PKHD1L1: variants seen among roughly 807,000 people sequenced by gnomAD.
PKHD1L1 encodes the protein PKHD1 like 1.
PKHD1L1 carries 434 observed loss-of-function variants against 462.9 expected under a neutral mutation model. The ratio of observed to expected loss-of-function variants is 0.94; its 90% CI spans 0.87 to 1.02. PKHD1L1 has a LOEUF of 1.02. Among genes scored for constraint, PKHD1L1 ranks in the 50% least tolerant of loss-of-function variants. PKHD1L1 has a pLI of 0.00. For synonymous variants in PKHD1L1, 1,781 were observed against 1,750.0 expected, an observed-to-expected ratio of 1.02 and a Z score of -0.44; for missense variants, 5,202 against 5,096.1, an observed-to-expected ratio of 1.02 and a Z score of -0.63.
chr8:109,454,482 G>A (rs142542983), intron 44 of PKHD1L1, among the ~76,000 whole-genome samples: 7 of 152,104 alleles, frequency 4.6e-5, no homozygotes, highest in African/African-American at 1.7e-4. Flanking sequence ...AAATAGAACA[G>A]GAAAGAATTA....
chr8:109,463,015 T>C (rs1036014021), intron 48 of PKHD1L1, among the ~76,000 whole-genome samples: 1 of 152,184 alleles, frequency 6.6e-6, no homozygotes, highest in African/African-American at 2.4e-5. Context: ...ACATAACTCC[T>C]AATAGGATAT....
At position 109,452,807 on chromosome 8, in the gene PKHD1L1, T is replaced by C; in HGVS notation, c.6597T>C (p.Val2199=). 6.5e-7 allele frequency: 1 copy of C among 1,537,466 alleles called. No homozygotes were observed. The highest frequency in any genetic ancestry group is 1.3e-5 in the South Asian group (1 of 77,542). ...KSPPEEGSLV[V]ITKGQTILLD... is the part of the protein sequence containing the mutation. ...CCCCAGAAGAAGGATCTCTTGTTGT[T>C]ATTACAAAAGGACAGACCATTCTGC... The change falls in exon 43 of 78, where the codon GTT becomes GTC. Residue 2199 remains valine (V), a synonymous_variant. Coordinates refer to ENST00000378402, the MANE Select transcript of PKHD1L1 (RefSeq NM_177531.6).
Position 109,497,024 on chromosome 8 carries a change from G to T in PKHD1L1, c.10433G>T (p.Gly3478Val), listed in dbSNP as rs372509470. ...CTTCCTGGATGTTCTCTTATACAAG[G>T]ATTTACCATTTGGACATGCTGGGAT... ...DGLPGCSLIQ[G>V]FTIWTCWDYG... is the part of the protein sequence containing the mutation. The change falls in exon 64 of 78, where the codon GGA becomes GTA. Residue 3478 changes from glycine (G) to valine (V), a missense_variant. Gly to Val is a moderately radical substitution (Grantham distance 109). Transcript: ENST00000378402. The T allele has an allele frequency of 1.3e-5, 21 of 1,613,500 alleles. No homozygotes were observed. Among genetic ancestry groups the T allele is most frequent in the East Asian group, 2.2e-5 (1 of 44,862 alleles).
At chr8:109,400,494 T>C in intron 13 of PKHD1L1, 150 bp downstream of exon 13, 3 of 932,592 alleles carry the variant, frequency 3.2e-6, no homozygotes, top group East Asian at 5.4e-5. Flanking sequence ...ATCCTGGATA[T>C]GATACAAGAT....
At chr8:109,412,804 A>C (rs1813928867) in intron 20 of PKHD1L1, among the ~76,000 whole-genome samples, 2 of 152,130 alleles carry the variant, frequency 1.3e-5, no homozygotes. Flanking sequence ...GGAGAAGTGA[A>C]ACAAAATTAG....
At chr8:109,526,687 A>T in intron 76 of PKHD1L1, 97 bp from the exon 77 acceptor site, 1 of 1,013,824 alleles carries the variant, frequency 9.9e-7, no homozygotes, top group Non-Finnish European at 1.4e-6. Flanking sequence ...ATCAGGATCT[A>T]TATAGTGTTT....
At chr8:109,486,474 C>T (rs936818690) in intron 58 of PKHD1L1, among the ~76,000 whole-genome samples, 174 bp from the exon 59 acceptor site, 13 of 151,848 alleles carry the variant, frequency 8.6e-5, no homozygotes, top group South Asian at 2.1e-4. Context: ...TTTATAAATA[C>T]GAATATCATA....
chr8:109,406,639 C>T (rs1813552630), intron 17 of PKHD1L1, among the ~76,000 whole-genome samples, 161 bp downstream of exon 17: 1 of 152,114 alleles, frequency 6.6e-6, no homozygotes, highest in Non-Finnish European at 1.5e-5. Context: ...AGTTGTATTT[C>T]AAGGAATGTA....
At chr8:109,505,067 T>C (rs1819623803) in intron 68 of PKHD1L1, among the ~76,000 whole-genome samples, 1 of 152,080 alleles carries the variant, frequency 6.6e-6, no homozygotes, top group Admixed American at 6.5e-5. Context: ...TCATTATTAT[T>C]TTTGTAGAGA....
At chr8:109,487,677 A>G (rs1180592648) in intron 59 of PKHD1L1, among the ~76,000 whole-genome samples, 1 of 151,778 alleles carries the variant, frequency 6.6e-6, no homozygotes, top group Non-Finnish European at 1.5e-5. Context: ...TGTATTTCCT[A>G]TGCCTAGGTG....
At chr8:109,414,632 A>G (rs1365474395) in intron 21 of PKHD1L1, among the ~76,000 whole-genome samples, 1 of 152,142 alleles carries the variant, frequency 6.6e-6, no homozygotes, top group Non-Finnish European at 1.5e-5. Context: ...TATTATAATA[A>G]GACATGGAGA....
At position 109,398,488 on chromosome 8, in the gene PKHD1L1, G is replaced by T; in HGVS notation, c.952G>T (p.Glu318Ter). 1 of 1,567,902 alleles carries T rather than the reference G, an allele frequency of 6.4e-7. No individual in the cohort carries two copies. The highest frequency in any genetic ancestry group is 8.7e-7 in the Non-Finnish European group (1 of 1,152,500). The change falls in exon 12 of 78, where the codon GAA becomes TAA. Residue 318 changes from glutamate (E) to a stop codon, truncating the protein, a stop_gained. Coordinates refer to ENST00000378402, the MANE Select transcript of PKHD1L1 (RefSeq NM_177531.6). LOFTEE classifies it high-confidence loss of function. ...ACCTTGTGATATTTTGAATGTCACA[G>T]AAAATAGTATATGTTGCAAGACACC... ...GEPCDILNVT[E>*]NSICCKTPPK... is the part of the protein sequence containing the mutation.
At chr8:109,403,340 C>T (rs556499440) in intron 14 of PKHD1L1, among the ~76,000 whole-genome samples, 1 of 152,160 alleles carries the variant, frequency 6.6e-6, no homozygotes, top group African/African-American at 2.4e-5. Context: ...TTTTGGTCAC[C>T]TTATTTTGTT....
chr8:109,526,872 C>T lies in PKHD1L1; in HGVS notation c.12573C>T (p.Ser4191=). ...GCCTGCTGGCAGAGTCTGTCTCTAG[C>T]AGTGGCAGCAGCAGCAGCAGCAACA... The part of the protein sequence containing the change: ...TFSLLAESVS[S]SGSSSSSNSK... Residue 4191 remains serine, a synonymous_variant, in exon 77 of 78, where the codon AGC becomes AGT. Coordinates refer to ENST00000378402, the MANE Select transcript of PKHD1L1 (RefSeq NM_177531.6). 1.2e-6 allele frequency: 2 copies of T among 1,606,556 alleles called. No homozygotes were observed. Among genetic ancestry groups the T allele is most frequent in the Non-Finnish European group, 1.7e-6 (2 of 1,176,554 alleles).
intron 18 of PKHD1L1, 140 bp downstream of exon 18, chr8:109,408,346 A>G (rs556357448): frequency 5.2e-6 from 4 of 766,870 alleles, no homozygotes; most frequent in Admixed American, 6.2e-5. Flanking sequence ...TCAACTCACC[A>G]CAATTTATAT....
chr8:109,499,042 T>A (rs1819269734), intron 67 of PKHD1L1: 4 of 384,844 alleles, frequency 1.0e-5, no homozygotes, highest in African/African-American at 4.1e-5. Flanking sequence ...TTAATTTGTA[T>A]AATTTGTAAA....
Position 109,433,047 on chromosome 8 carries a change from A to G in PKHD1L1, c.3230-59A>G, listed in dbSNP as rs554622264. 32 of 1,231,370 alleles carry G rather than the reference A, an allele frequency of 2.6e-5. No homozygotes were observed. The South Asian group carries it at 4.1e-4, about 16-fold the overall frequency. The allele number at this position is 1,231,370 out of a possible 1,614,324, so 76.3% of individuals were successfully genotyped here. ...TTTTATTTGAGAAATGTCTGATTTC[A>G]TAACAACAGGTTTTATTTTTCTAAC... On this transcript the variant is annotated intron_variant, in intron 27 of 77. Coordinates refer to ENST00000378402, the MANE Select transcript of PKHD1L1 (RefSeq NM_177531.6).
intron 49 of PKHD1L1, among the ~76,000 whole-genome samples, chr8:109,465,595 A>T (rs1627570): frequency 0.46 from 70,469 of 152,022 alleles, 17,015 homozygotes; most frequent in South Asian, 0.64. Context: ...AATTGCACAG[A>T]TAAGAAACTG....
intron 32 of PKHD1L1, 131 bp from the exon 33 acceptor site, chr8:109,440,579 A>C: frequency 2.9e-6 from 2 of 690,566 alleles, no homozygotes. Context: ...CAGATTGTCT[A>C]TCTTGAAAAA....
Sources: allele counts gnomAD v4.1 joint callset (sites outside exome capture counted in the v4.1 genomes callset), GRCh38; gene constraint gnomAD v4.1.1; transcripts MANE v1.5; gene names NCBI Gene and HGNC (gene_info 2026-07-23, HGNC 2026-07-21).